Variants in IQSEC2 observed in about 807,000 individuals in gnomAD.
The protein encoded by IQSEC2 is IQ motif and Sec7 domain ArfGEF 2.
A neutral mutation model predicts 74.6 loss-of-function variants in IQSEC2; 6 were observed. The observed-to-expected ratio is 0.08, with a 90% CI of 0.04 to 0.16. IQSEC2 has a LOEUF of 0.16. Ranked by LOEUF, IQSEC2 falls within the 10% of genes least tolerant of loss-of-function variation. The pLI is 1.00. For synonymous variants in IQSEC2, 494 were observed against 544.5 expected, an observed-to-expected ratio of 0.91 and a Z score of 1.29; for missense variants, 734 against 1,306.2, an observed-to-expected ratio of 0.56 and a Z score of 6.75.
intron 1 of IQSEC2, among the ~76,000 whole-genome samples, chrX:53,313,082 G>C (rs1157869325): frequency 8.9e-6 from 1 of 111,943 alleles, no homozygotes; most frequent in Non-Finnish European, 1.9e-5. Context: ...GTTTTGAAAG[G>C]GATGCGATGC....
At position 53,269,373 on chromosome X, in the gene IQSEC2, T is replaced by A. The variant is rs1380614046; in HGVS notation, c.738-13312A>T. On this transcript the variant is annotated intron_variant, in intron 2 of 14. Transcript: ENST00000642864. ...ATCCCCACCACTATCACTGCTTTGC[T>A]CCTCTGTAAGAAAGAGGGGGCCCCT... Among the ~76,000 whole-genome samples the A allele has an allele frequency of 2.7e-5, 3 of 110,937 alleles. No individual in the cohort carries two copies. In the Admixed American group the frequency reaches 2.9e-4, roughly 11 times the overall value.
chrX:53,320,511 G>A lies in IQSEC2; in HGVS notation c.613C>T (p.Leu205=). 2 of 1,160,328 alleles carry A rather than the reference G, an allele frequency of 1.7e-6. No individual in the cohort carries two copies. Among genetic ancestry groups the A allele is most frequent in the Non-Finnish European group, 2.3e-6 (2 of 870,081 alleles). The change falls in exon 1 of 15, where the codon CTG becomes TTG. Residue 205 remains leucine, a synonymous_variant. Coordinates refer to ENST00000642864, the MANE Select transcript of IQSEC2 (RefSeq NM_001111125.3). ...GAGCTCCTGGATGCGCCACGGCTCA[G>A]CTGGCCCCGCTCCCGCGGTGGCCGC... ...GPRPPRERGQ[L]SRGASRSSSP...
chrX:53,238,042 A>G, intron 12 of IQSEC2, 103 bp downstream of exon 12: 1 of 954,698 alleles, frequency 1.0e-6, no homozygotes, highest in Admixed American at 2.6e-5. Context: ...GGAAGGTTGG[A>G]CAAGCTAACC....
At chrX:53,308,820 G>A (rs112495440) in intron 1 of IQSEC2, among the ~76,000 whole-genome samples, 6,131 of 110,241 alleles carry the variant, frequency 0.056, 384 homozygotes, top group African/African-American at 0.19. Flanking sequence ...GGGAGGGGCC[G>A]GGCGCAGTGG....
chrX:53,232,964 A>C lies in IQSEC2; in HGVS notation c.*1255T>G, dbSNP rs2074072939. 9.0e-6 allele frequency: 1 copy of C among 110,863 alleles called. No homozygotes were observed. Among genetic ancestry groups the C allele is most frequent in the African/African-American group, 3.3e-5 (1 of 30,325 alleles). The allele number at this position is 110,863 out of a possible 1,213,427, so 9.1% of individuals were successfully genotyped here. ...AATGCCTGAACCCCAGCTCCTCTCC[A>C]TACAGCCCCTCCCACTGCCACCCTC... On this transcript the variant is annotated 3_prime_UTR_variant, in exon 15 of 15. Transcript: ENST00000642864.
chrX:53,276,199 A>C (rs1351488524), intron 2 of IQSEC2, among the ~76,000 whole-genome samples: 1 of 111,921 alleles, frequency 8.9e-6, no homozygotes, highest in Non-Finnish European at 1.9e-5. Context: ...ACAAGATATA[A>C]CTTTGTTTTA....
chrX:53,269,710 T>C (rs904428114), intron 2 of IQSEC2, among the ~76,000 whole-genome samples: 1 of 111,044 alleles, frequency 9.0e-6, no homozygotes, highest in African/African-American at 3.3e-5. Flanking sequence ...ATCTGCCTCA[T>C]GCGCCCACCA....
chrX:53,282,350 C>G (rs2074978789), intron 2 of IQSEC2, among the ~76,000 whole-genome samples: 1 of 112,939 alleles, frequency 8.9e-6, no homozygotes, highest in African/African-American at 3.2e-5. Context: ...CTCCAGGTGC[C>G]CTGGCTCCCT....
Position 53,308,932 on chromosome X carries a change from TA to T in IQSEC2, c.707+11484del, listed in dbSNP as rs782439448. Among the ~76,000 whole-genome samples, 560 of 100,503 alleles carry T rather than the reference TA, an allele frequency of 5.6e-3. 4 individuals carry two copies. Among genetic ancestry groups the T allele is most frequent in the African/African-American group, 0.015 (431 of 27,835 alleles). 87.3% of individuals were successfully genotyped at this position (100,503 alleles called of 115,157 possible). On this transcript the variant is annotated intron_variant, in intron 1 of 14. Coordinates refer to ENST00000642864, the MANE Select transcript of IQSEC2 (RefSeq NM_001111125.3). ...GGGCAACATAGCGAGACCCCGTCTC[TA>T]AAAAAAAAAAATAAATAAAACTTTG...
In IQSEC2 at chrX:53,251,187, G is replaced by C. The variant is rs2074386238; in HGVS notation, c.1402-13C>G. Reference sequence around the variant, plus strand: ...CCAGAGACTTTACCTGTGCAAGGGGGGGAGGAGAGGAGGGAAAGGGAGAGA... The same window carrying C: ...CCAGAGACTTTACCTGTGCAAGGGGCGGAGGAGAGGAGGGAAAGGGAGAGA... On this transcript the variant is annotated splice_polypyrimidine_tract_variant and intron_variant, in intron 4 of 14. Coordinates refer to ENST00000642864, the MANE Select transcript of IQSEC2 (RefSeq NM_001111125.3). 2.5e-6 allele frequency: 3 copies of C among 1,203,292 alleles called. No homozygotes were observed. The highest frequency in any genetic ancestry group is 3.4e-6 in the Non-Finnish European group (3 of 889,696).
intron 4 of IQSEC2, among the ~76,000 whole-genome samples, chrX:53,253,457 C>A (rs1231564644): frequency 1.8e-5 from 2 of 112,132 alleles, no homozygotes; most frequent in Non-Finnish European, 3.8e-5. Context: ...ACAACGATCA[C>A]CCACTACCTT....
In IQSEC2 at chrX:53,290,502, C is replaced by A. The variant is rs375258200; in HGVS notation, c.737+1393G>T. ...CTCGGGTGGCCTCTCTCCAAACCCA[C>A]GGTGGGACACTGAGATCTATTCCCT... On this transcript the variant is annotated intron_variant, in intron 2 of 14. Transcript: ENST00000642864. 2.7e-5 allele frequency among the ~76,000 whole-genome samples: 3 copies of A among 111,827 alleles called. No homozygotes were observed. The South Asian group carries it at 1.1e-3, about 42-fold the overall frequency.
chrX:53,253,120 G>A (rs782470242), intron 4 of IQSEC2, among the ~76,000 whole-genome samples: 24 of 112,414 alleles, frequency 2.1e-4, no homozygotes, highest in Non-Finnish European at 4.5e-4. Context: ...GGCAAGGCCA[G>A]ATCATAGAGG....
In IQSEC2 at chrX:53,320,678, G is replaced by C; in HGVS notation, c.446C>G (p.Ala149Gly). Residue 149 changes from alanine to glycine, a missense_variant, in exon 1 of 15, where the codon GCC (alanine) becomes GGC (glycine). Transcript: ENST00000642864. ...GCACTGGGCCACGTCACGCTCGCGG[G>C]CTGTGTAACCGGTAGTGTCCTGGAG... ...YPLQDTTGYT[A>G]RERDVAQCHL... The C allele has an allele frequency of 8.6e-7, 1 of 1,165,813 alleles. No homozygotes were observed. Among genetic ancestry groups the C allele is most frequent in the Non-Finnish European group, 1.1e-6 (1 of 871,895 alleles).
intron 2 of IQSEC2, among the ~76,000 whole-genome samples, chrX:53,271,435 A>C (rs781819733): frequency 9.0e-6 from 1 of 110,778 alleles, no homozygotes; most frequent in African/African-American, 3.3e-5. Context: ...TTGCACTATC[A>C]CCCTGGCATG....
In IQSEC2 at chrX:53,234,687, G is replaced by A. The variant is rs1556859096; in HGVS notation, c.3999C>T (p.His1333=). The change falls in exon 15 of 15, where the codon CAC becomes CAT. Residue 1333 remains histidine (H), a synonymous_variant. Transcript: ENST00000642864. ...CCCTGCCTGGCCGGCCCAAGGTATA[G>A]TGTTGGGGCCCTGGGACTGGGCCAT... ...HAHGPVPGPQ[H]YTLGRPGRAP... is the part of the protein sequence containing the mutation. 3 of 1,140,577 alleles carry A rather than the reference G, an allele frequency of 2.6e-6. No individual in the cohort carries two copies. The highest frequency in any genetic ancestry group is 2.8e-5 in the Admixed American group (1 of 35,752). 94.0% of individuals were successfully genotyped at this position (1,140,577 alleles called of 1,213,427 possible). A position where few individuals can be genotyped will look rare whatever the true frequency, so the allele number is the denominator to read the frequency against.
rs183010879 is a variant in IQSEC2, at chrX:53,297,738, G to A, written c.708-5814C>T. On this transcript the variant is annotated intron_variant, in intron 1 of 14. Coordinates refer to ENST00000642864, the MANE Select transcript of IQSEC2 (RefSeq NM_001111125.3). ...CTCTCAATATGCTTTGACATATCAG[G>A]TAATCCATCGGACTCTTTGTTTCCC... Among the ~76,000 whole-genome samples the A allele has an allele frequency of 3.6e-5, 4 of 111,726 alleles. No homozygotes were observed. The East Asian group carries it at 1.1e-3, about 31-fold the overall frequency.
At chrX:53,276,910 T>C (rs1230208707) in intron 2 of IQSEC2, among the ~76,000 whole-genome samples, 1 of 112,568 alleles carries the variant, frequency 8.9e-6, no homozygotes, top group Non-Finnish European at 1.9e-5. Context: ...CCTGCACTCT[T>C]GGGGCAAACT....
intron 2 of IQSEC2, among the ~76,000 whole-genome samples, chrX:53,262,017 G>C (rs1376488124): frequency 8.9e-6 from 1 of 112,602 alleles, no homozygotes; most frequent in African/African-American, 3.2e-5. Context: ...GAGGGGAAAT[G>C]ACTGCCAAAG....
Sources: allele counts gnomAD v4.1 joint callset (sites outside exome capture counted in the v4.1 genomes callset), GRCh38; gene constraint gnomAD v4.1.1; transcripts MANE v1.5; gene names NCBI Gene and HGNC (gene_info 2026-07-23, HGNC 2026-07-21).